Variants in INSYN1 observed in about 807,000 individuals in gnomAD.
INSYN1 encodes the protein inhibitory synaptic factor 1.
In INSYN1, 7 loss-of-function variants were observed where a neutral mutation model predicts 17.1. The observed-to-expected ratio is 0.41, with a 90% CI of 0.23 to 0.77. INSYN1 has a LOEUF of 0.77. Ranked by LOEUF, INSYN1 falls within the 30% of genes least tolerant of loss-of-function variation. The probability of loss-of-function intolerance (pLI) is 0.32; values close to 1 mark genes in which losing one functional copy is unlikely to be tolerated. For synonymous variants in INSYN1, 174 were observed against 166.3 expected (o/e 1.05, Z -0.36); for missense variants, 339 against 400.6 (o/e 0.85, Z 1.31).
intron 2 of INSYN1, among the ~76,000 whole-genome samples, chr15:73,748,726 A>G (rs1249387102): frequency 6.6e-6 from 1 of 152,146 alleles, no homozygotes; most frequent in African/African-American, 2.4e-5. Flanking sequence ...GGCAAATCCC[A>G]TCTCACAGGA....
intron 2 of INSYN1, among the ~76,000 whole-genome samples, chr15:73,742,361 G>C (rs937959611): frequency 3.9e-5 from 6 of 152,292 alleles, no homozygotes; most frequent in African/African-American, 1.2e-4. Flanking sequence ...AAGTGAGTAT[G>C]ACAATCCCAG....
At position 73,740,218 on chromosome 15, in the gene INSYN1, T is replaced by C; in HGVS notation, c.581A>G (p.Tyr194Cys). 1 of 1,614,044 alleles carries C rather than the reference T, an allele frequency of 6.2e-7. No homozygotes were observed. Among genetic ancestry groups the C allele is most frequent in the Non-Finnish European group, 8.5e-7 (1 of 1,180,014 alleles). The change falls in exon 3 of 3, where the codon TAC becomes TGC. Residue 194 changes from tyrosine to cysteine, a missense_variant. By Grantham distance (194) the Tyr-to-Cys change is radical (BLOSUM62 -2). Transcript: ENST00000569673. Reference sequence around the variant, plus strand: ...CTCATCGTCACAGCACAGAGCATGGTAGAGCACTTTGTCACTGAACCGCAC... The same window carrying C: ...CTCATCGTCACAGCACAGAGCATGGCAGAGCACTTTGTCACTGAACCGCAC... ...ERVRFSDKVL[Y>C]HALCCDDEEG... is the part of the protein sequence containing the mutation.
In INSYN1 at chr15:73,740,174, C is replaced by G; in HGVS notation, c.625G>C (p.Glu209Gln). ...AAGCCCACTTCTTCCTCCTCCACCT[C>G]CTGCTCACCGTCCCCCTCCTCATCG... ...CDDEEGDGEQEVEEEEVGLPP... is the reference protein window; with the variant it reads ...CDDEEGDGEQQVEEEEVGLPP... Residue 209 changes from glutamate (E) to glutamine (Q), a missense_variant, in exon 3 of 3, where the codon GAG (glutamate) becomes CAG (glutamine). Transcript: ENST00000569673. 1 of 1,614,146 alleles carries G rather than the reference C, an allele frequency of 6.2e-7. No individual in the cohort carries two copies. The highest frequency in any genetic ancestry group is 8.5e-7 in the Non-Finnish European group (1 of 1,180,018).
Position 73,739,696 on chromosome 15 carries a change from G to A in INSYN1, c.*221C>T, listed in dbSNP as rs567282436. 580 of 161,934 alleles carry A rather than the reference G, an allele frequency of 3.6e-3. 2 individuals are homozygous for A. Among genetic ancestry groups the A allele is most frequent in the Non-Finnish European group, 5.5e-3 (417 of 75,490 alleles). The allele number at this position is 161,934 out of a possible 1,614,324, so 10.0% of individuals were successfully genotyped here. A position where few individuals can be genotyped will look rare whatever the true frequency, so the allele number is the denominator to read the frequency against. On this transcript the variant is annotated 3_prime_UTR_variant, in exon 3 of 3. Coordinates refer to ENST00000569673, the MANE Select transcript of INSYN1 (RefSeq NM_001039614.3). ...CAGGAGCCCCGCAATGAGAACGGAG[G>A]AAGGGCAGTCCTGCCCACACCTCCT...
chr15:73,743,115 G>A (rs1240819623), intron 2 of INSYN1, among the ~76,000 whole-genome samples: 2 of 152,206 alleles, frequency 1.3e-5, no homozygotes, highest in Non-Finnish European at 2.9e-5. Context: ...GCCTGAGGGC[G>A]GGGCAGAATG....
At chr15:73,740,678 A>T in intron 2 of INSYN1, 36 bp from the exon 3 acceptor site, 1 of 1,546,110 alleles carries the variant, frequency 6.5e-7, no homozygotes, top group Middle Eastern at 1.7e-4. Context: ...GAGAGGGGCC[A>T]GGTGGGTCCC....
At chr15:73,743,716 G>A (rs1901745223) in intron 2 of INSYN1, among the ~76,000 whole-genome samples, 1 of 150,364 alleles carries the variant, frequency 6.7e-6, no homozygotes, top group South Asian at 2.1e-4. Flanking sequence ...TAGAGTCCCA[G>A]CTACTCGGGA....
At chr15:73,750,043 T>C (rs914580810) in intron 2 of INSYN1, among the ~76,000 whole-genome samples, 1 of 152,142 alleles carries the variant, frequency 6.6e-6, no homozygotes, top group African/African-American at 2.4e-5. Flanking sequence ...TCAATCACTC[T>C]CCCTGCCATC....
rs556478122 is a variant in INSYN1 at position 73,751,147 on chromosome 15, G to A, written c.-17C>T. On this transcript the variant is annotated 5_prime_UTR_variant, in exon 2 of 3. Transcript: ENST00000569673. ...AATGTTCATCGTTTACCACGTGGCC[G>A]CAGGCCTGCCCATACTCCCCCCAGC... The A allele has an allele frequency of 1.7e-5, 27 of 1,612,404 alleles. No homozygotes were observed. The highest frequency in any genetic ancestry group is 1.4e-4 in the South Asian group (13 of 91,038).
At position 73,737,972 on chromosome 15, in the gene INSYN1, C is replaced by T. The variant is rs72743320; in HGVS notation, c.*1945G>A. 9,967 of 152,348 alleles carry T rather than the reference C, an allele frequency of 0.065. 408 individuals are homozygous for T. The highest frequency in any genetic ancestry group is 0.13 in the Middle Eastern group (38 of 294). 9.4% of individuals were successfully genotyped at this position (152,348 alleles called of 1,614,324 possible). A position where few individuals can be genotyped will look rare whatever the true frequency, so the allele number is the denominator to read the frequency against. ...GTCAACTTCTGACCTCGAGCTACTG[C>T]GAGGGACCAAGCAATGGAGTGTTTG... On this transcript the variant is annotated 3_prime_UTR_variant, in exon 3 of 3. Coordinates refer to ENST00000569673, the MANE Select transcript of INSYN1 (RefSeq NM_001039614.3).
chr15:73,743,828 C>CAAAAAAAAAAAAAAAAAAAAAAAAAAAA (rs71434209), intron 2 of INSYN1, among the ~76,000 whole-genome samples: 5 of 21,294 alleles, frequency 2.3e-4, no homozygotes, highest in African/African-American at 3.5e-4. Flanking sequence ...GACTCTGTCT[C>CAAAAAAAAAAAAAAAAAAAAAAAAAAAA]AAAAAAAAAA....
intron 2 of INSYN1, among the ~76,000 whole-genome samples, chr15:73,748,077 C>A (rs1276345664): frequency 1.3e-5 from 2 of 152,098 alleles, no homozygotes; most frequent in Non-Finnish European, 2.9e-5. Context: ...CCCCGCGCCC[C>A]CAGCCCACTG....
chr15:73,742,887 T>G (rs1015747145), intron 2 of INSYN1, among the ~76,000 whole-genome samples: 1 of 152,150 alleles, frequency 6.6e-6, no homozygotes, highest in South Asian at 2.1e-4. Flanking sequence ...GGGGTGGTGC[T>G]GGAGAAGGTG....
chr15:73,745,399 C>A (rs994052768), intron 2 of INSYN1, among the ~76,000 whole-genome samples: 1 of 152,158 alleles, frequency 6.6e-6, no homozygotes, highest in African/African-American at 2.4e-5. Flanking sequence ...TCCGTCTTCA[C>A]TTCGAGAAGG....
In INSYN1 at chr15:73,736,604, A is replaced by C. The variant is rs1901534541; in HGVS notation, c.*3313T>G. 1 of 147,710 alleles carries C rather than the reference A, an allele frequency of 6.8e-6. No homozygotes were observed. 9.1% of individuals were successfully genotyped at this position (147,710 alleles called of 1,614,324 possible). A position where few individuals can be genotyped will look rare whatever the true frequency, so the allele number is the denominator to read the frequency against. ...AGACTCCATCTCAAAAAAACAAAACAAAAAAAAATTGGCCAGGCGTAGTGG... is the reference window on the plus strand; with the variant it reads ...AGACTCCATCTCAAAAAAACAAAACCAAAAAAAATTGGCCAGGCGTAGTGG... On this transcript the variant is annotated 3_prime_UTR_variant, in exon 3 of 3. Coordinates refer to ENST00000569673, the MANE Select transcript of INSYN1 (RefSeq NM_001039614.3).
chr15:73,753,200 AGCGCCGCGGCGCC>A lies in INSYN1; in HGVS notation c.-1671_-1659del, dbSNP rs1003516979. Among the ~76,000 whole-genome samples, 1 of 139,832 alleles carries A rather than the reference AGCGCCGCGGCGCC, an allele frequency of 7.2e-6. No individual in the cohort carries two copies. The highest frequency in any genetic ancestry group is 1.6e-5 in the Non-Finnish European group (1 of 63,932). The allele number at this position is 139,832 out of a possible 152,430, so 91.7% of individuals were successfully genotyped here. A position where few individuals can be genotyped will look rare whatever the true frequency, so the allele number is the denominator to read the frequency against. On this transcript the variant is annotated 5_prime_UTR_variant, in exon 1 of 3. Transcript: ENST00000569673. The surrounding 1 kb of genome is among the most constrained non-coding windows in gnomAD (Gnocchi z 4.2). ...TCCCGGGGCCTGGGCCCGCTCCCCA[AGCGCCGCGGCGCC>A]GCGCCGCCCGCGCCCCGGCCGCCCC...
chr15:73,741,902 G>A (rs145108636), intron 2 of INSYN1, among the ~76,000 whole-genome samples: 4 of 152,334 alleles, frequency 2.6e-5, no homozygotes, highest in East Asian at 3.9e-4. Flanking sequence ...GCCCCAAAGT[G>A]AGAGGAAAGC....
rs1901553759 is a variant in INSYN1, at chr15:73,737,300, A to G, written c.*2617T>C. The stretch of plus-strand genomic sequence containing the variant: ...GCTCTTGCCATGACAGATGAAATGC[A>G]AGCCTCAGAGGGAGAACTGTTATGT... On this transcript the variant is annotated 3_prime_UTR_variant, in exon 3 of 3. Transcript: ENST00000569673. 6.6e-6 allele frequency: 1 copy of G among 152,278 alleles called. No individual in the cohort carries two copies. The highest frequency in any genetic ancestry group is 2.1e-4 in the South Asian group (1 of 4,836). The allele number at this position is 152,278 out of a possible 1,614,324, so 9.4% of individuals were successfully genotyped here.
chr15:73,740,253 T>A lies in INSYN1; in HGVS notation c.546A>T (p.Thr182=), dbSNP rs752251135. 1.2e-6 allele frequency: 2 copies of A among 1,613,984 alleles called. No homozygotes were observed. The highest frequency in any genetic ancestry group is 2.2e-5 in the South Asian group (2 of 91,084). The change falls in exon 3 of 3, where the codon ACA becomes ACT. Residue 182 remains threonine, a synonymous_variant. Transcript: ENST00000569673. The part of the protein sequence containing the change: ...KSQLPQRTPG[T]RERVRFSDKV... Reference sequence around the variant, plus strand: ...TGTCACTGAACCGCACCCTCTCCCGTGTCCCTGGGGTCCGCTGGGGCAGCT... The same window carrying A: ...TGTCACTGAACCGCACCCTCTCCCGAGTCCCTGGGGTCCGCTGGGGCAGCT...
Sources: gnomAD v4.1 joint callset for allele counts (sites outside exome capture counted in the v4.1 genomes callset) on GRCh38, gnomAD v4.1.1 for gene constraint, Gnocchi (gnomAD v3.1) non-coding constraint, MANE v1.5 for transcripts, NCBI Gene and HGNC (gene_info 2026-07-23, HGNC 2026-07-21) for gene names.